Variants in RFX3 observed in about 807,000 individuals in gnomAD.
RFX3 encodes regulatory factor X3.
A neutral mutation model predicts 98.6 loss-of-function variants in RFX3; 14 were observed. The ratio of observed to expected loss-of-function variants is 0.14; its 90% CI spans 0.09 to 0.22. The LOEUF is 0.22. Ranked by LOEUF, RFX3 falls within the 10% of genes least tolerant of loss-of-function variation. The pLI, the probability that RFX3 is intolerant of heterozygous loss-of-function variation, is 1.00. For synonymous variants in RFX3, 383 were observed against 328.4 expected, an observed-to-expected ratio of 1.17 and a Z score of -1.80; for missense variants, 639 against 926.9, an observed-to-expected ratio of 0.69 and a Z score of 4.03.
intron 1 of RFX3, among the ~76,000 whole-genome samples, chr9:3,417,778 G>A (rs1486911235): frequency 6.6e-6 from 1 of 152,074 alleles, no homozygotes; most frequent in African/African-American, 2.4e-5. Context: ...TAAAATACTA[G>A]AACAGGAAGA....
intron 12 of RFX3, among the ~76,000 whole-genome samples, chr9:3,264,985 G>C (rs773207652): frequency 6.6e-6 from 1 of 152,162 alleles, no homozygotes; most frequent in East Asian, 1.9e-4. Flanking sequence ...AGGATTCCTT[G>C]ACCATAATCA....
At chr9:3,296,202 C>T (rs899311419) in intron 5 of RFX3, among the ~76,000 whole-genome samples, 2 of 151,640 alleles carry the variant, frequency 1.3e-5, no homozygotes, top group Non-Finnish European at 2.9e-5. Flanking sequence ...TATTTTGAGT[C>T]CAATGGTATA....
chr9:3,318,822 C>G (rs1391522966), intron 4 of RFX3, among the ~76,000 whole-genome samples: 5 of 152,096 alleles, frequency 3.3e-5, no homozygotes, highest in East Asian at 3.9e-4. Context: ...AAACGGTTGC[C>G]TAAGAAACCT....
chr9:3,259,284 C>T (rs2131154477), intron 13 of RFX3, among the ~76,000 whole-genome samples: 1 of 151,844 alleles, frequency 6.6e-6, no homozygotes, highest in East Asian at 1.9e-4. Context: ...TTAGTTTTTG[C>T]CAAGAAAAGA....
At chr9:3,437,025 T>C (rs1845190102) in intron 1 of RFX3, among the ~76,000 whole-genome samples, 1 of 152,080 alleles carries the variant, frequency 6.6e-6, no homozygotes, top group South Asian at 2.1e-4. Context: ...TCCTAGCAGT[T>C]TTCTTTTATA....
At chr9:3,370,217 G>A (rs1323242075) in intron 2 of RFX3, among the ~76,000 whole-genome samples, 2 of 150,384 alleles carry the variant, frequency 1.3e-5, no homozygotes, top group African/African-American at 2.4e-5. Context: ...ATGATCCCTA[G>A]AGCAAGTTAT....
intron 1 of RFX3, among the ~76,000 whole-genome samples, chr9:3,415,145 C>T (rs1482641154): frequency 7.8e-6 from 1 of 127,908 alleles, no homozygotes; most frequent in African/African-American, 2.9e-5. Flanking sequence ...TATCTATATA[C>T]TATATATATT....
At chr9:3,515,028 G>A (rs1431412930) in intron 1 of RFX3, among the ~76,000 whole-genome samples, 2 of 152,144 alleles carry the variant, frequency 1.3e-5, no homozygotes, top group Non-Finnish European at 2.9e-5. Context: ...TGCCTGATGT[G>A]ACAGATTTTA....
chr9:3,314,062 C>T (rs1349877918), intron 4 of RFX3, among the ~76,000 whole-genome samples: 2 of 152,128 alleles, frequency 1.3e-5, no homozygotes, highest in Non-Finnish European at 2.9e-5. Flanking sequence ...CTCCAAGACA[C>T]ATAATTGTCA....
At chr9:3,295,455 A>C (rs1373466354) in intron 5 of RFX3, among the ~76,000 whole-genome samples, 1 of 152,050 alleles carries the variant, frequency 6.6e-6, no homozygotes, top group Non-Finnish European at 1.5e-5. Flanking sequence ...TGGCAGTCTT[A>C]ATATATTAAA....
chr9:3,241,873 A>T (rs1716089338), intron 15 of RFX3, among the ~76,000 whole-genome samples: 1 of 152,176 alleles, frequency 6.6e-6, no homozygotes, highest in African/African-American at 2.4e-5. Context: ...TGCAAGGGGA[A>T]AAGATGGCAA....
chr9:3,224,922 A>G lies in RFX3; in HGVS notation c.*120T>C. 1.0e-6 allele frequency: 1 copy of G among 990,940 alleles called. No individual in the cohort carries two copies. Among genetic ancestry groups the G allele is most frequent in the Non-Finnish European group, 1.5e-6 (1 of 665,326 alleles). The allele number at this position is 990,940 out of a possible 1,614,324, so 61.4% of individuals were successfully genotyped here. A position where few individuals can be genotyped will look rare whatever the true frequency, so the allele number is the denominator to read the frequency against. On this transcript the variant is annotated 3_prime_UTR_variant, in exon 17 of 17. Transcript: ENST00000617270. Reference sequence around the variant, plus strand: ...CCCATTCCATTTCACAACTCCAAAAAGTTAATGTTCAGCACAGATAGAATT... The same window carrying G: ...CCCATTCCATTTCACAACTCCAAAAGGTTAATGTTCAGCACAGATAGAATT...
intron 1 of RFX3, among the ~76,000 whole-genome samples, chr9:3,518,636 T>C (rs1818411825): frequency 6.6e-6 from 1 of 152,140 alleles, no homozygotes; most frequent in Non-Finnish European, 1.5e-5. Context: ...CTGATGAAAA[T>C]GTTCAGGAAA....
intron 1 of RFX3, among the ~76,000 whole-genome samples, chr9:3,419,453 G>A (rs1451647136): frequency 6.6e-6 from 1 of 152,102 alleles, no homozygotes; most frequent in East Asian, 1.9e-4. Flanking sequence ...ACTGCTATTT[G>A]TAATCCATGC....
At chr9:3,451,346 G>T (rs1846608829) in intron 1 of RFX3, among the ~76,000 whole-genome samples, 1 of 152,164 alleles carries the variant, frequency 6.6e-6, no homozygotes, top group Admixed American at 6.5e-5. Flanking sequence ...AGGAGTTCAA[G>T]ATCAGCCTAG....
chr9:3,339,951 C>T (rs1487719439), intron 3 of RFX3, among the ~76,000 whole-genome samples: 1 of 152,048 alleles, frequency 6.6e-6, no homozygotes, highest in Non-Finnish European at 1.5e-5. Flanking sequence ...GCAAGTCAAT[C>T]CTAAGCCAAA....
chr9:3,468,832 GAAAAAAGAA>G (rs1848542865), intron 1 of RFX3, among the ~76,000 whole-genome samples: 1 of 111,678 alleles, frequency 9.0e-6, no homozygotes, highest in South Asian at 2.9e-4. Context: ...AAAAAAAAAA[GAAAAAAGAA>G]AAAAAAGAAG....
intron 15 of RFX3, chr9:3,247,645 G>A (rs1039200998): frequency 8.7e-6 from 12 of 1,385,358 alleles, no homozygotes; most frequent in Non-Finnish European, 1.0e-5. Context: ...TGGAGACCGG[G>A]AAAGAGTCTA....
At chr9:3,480,858 C>A (rs1455729778) in intron 1 of RFX3, among the ~76,000 whole-genome samples, 1 of 152,026 alleles carries the variant, frequency 6.6e-6, no homozygotes, top group Non-Finnish European at 1.5e-5. Context: ...CTGTAAACTG[C>A]TATACAAATA....
Sources: gnomAD v4.1 joint callset for allele counts (sites outside exome capture counted in the v4.1 genomes callset) on GRCh38, gnomAD v4.1.1 for gene constraint, MANE v1.5 for transcripts, NCBI Gene and HGNC (gene_info 2026-07-23, HGNC 2026-07-21) for gene names.